Variants in CILK1 observed in about 807,000 individuals in gnomAD.
The protein encoded by CILK1 is serine/threonine-protein kinase ICK.
In CILK1, 47 loss-of-function variants were observed where a neutral mutation model predicts 79.2. That is an observed-to-expected ratio of 0.59 (90% CI 0.47 to 0.76). The LOEUF is 0.76. Ranked by LOEUF, CILK1 falls within the 30% of genes least tolerant of loss-of-function variation. The probability of loss-of-function intolerance (pLI) is 0.00; values close to 1 mark genes in which losing one functional copy is unlikely to be tolerated. For synonymous variants in CILK1, 266 were observed against 275.9 expected (o/e 0.96, Z 0.36); for missense variants, 660 against 769.5 (o/e 0.86, Z 1.68).
rs1015797191 is a variant in CILK1, at chr6:53,002,018, T to G, written c.*3131A>C. On this transcript the variant is annotated 3_prime_UTR_variant, in exon 14 of 14. Coordinates refer to ENST00000676107, the MANE Select transcript of CILK1 (RefSeq NM_014920.5). The stretch of plus-strand genomic sequence containing the variant: ...TGTTGTCTTGATTGTATACAATTTT[T>G]GATAACTCCAGAAGATGACACAGTG... 3 of 152,772 alleles carry G rather than the reference T, an allele frequency of 2.0e-5. No homozygotes were observed. The highest frequency in any genetic ancestry group is 4.4e-5 in the Non-Finnish European group (3 of 68,040). 9.5% of individuals were successfully genotyped at this position (152,772 alleles called of 1,614,324 possible).
intron 11 of CILK1, among the ~76,000 whole-genome samples, chr6:53,010,189 C>T (rs917428729): frequency 2.6e-5 from 4 of 152,256 alleles, no homozygotes; most frequent in African/African-American, 9.6e-5. Flanking sequence ...CTATACCTGT[C>T]ATCTGGATCT....
Position 53,013,993 on chromosome 6 carries a change from A to T in CILK1, c.832-11T>A. On this transcript the variant is annotated splice_polypyrimidine_tract_variant and intron_variant, in intron 8 of 13. Coordinates refer to ENST00000676107, the MANE Select transcript of CILK1 (RefSeq NM_014920.5). ...AGGATATCGAAGTGCCTGGAATGAC[A>T]AATAAGGCTTTAGGAGAAAAGTCTA... 1 of 1,609,104 alleles carries T rather than the reference A, an allele frequency of 6.2e-7. No individual in the cohort carries two copies. Among genetic ancestry groups the T allele is most frequent in the South Asian group, 1.1e-5 (1 of 90,872 alleles).
chr6:53,018,471 A>T lies in CILK1; in HGVS notation c.522T>A (p.Ser174=), dbSNP rs766156937. Reference sequence around the variant, plus strand: ...CGTCAATGGGGGAGCTGTAGTTGGTAGACCTCAGGAGTACTTCTGGAGCCC... The same window carrying T: ...CGTCAATGGGGGAGCTGTAGTTGGTTGACCTCAGGAGTACTTCTGGAGCCC... The part of the protein sequence containing the change: ...WYRAPEVLLR[S]TNYSSPIDVW... The change falls in exon 7 of 14, where the codon TCT becomes TCA. Residue 174 remains serine, a synonymous_variant. Transcript: ENST00000676107. 6 of 1,614,210 alleles carry T rather than the reference A, an allele frequency of 3.7e-6. No individual in the cohort carries two copies. The Admixed American group carries it at 1.0e-4, about 27-fold the overall frequency.
chr6:53,040,125 A>T (rs1018746249), intron 2 of CILK1, among the ~76,000 whole-genome samples: 1 of 152,152 alleles, frequency 6.6e-6, no homozygotes, highest in Non-Finnish European at 1.5e-5. Context: ...TCAAATATAG[A>T]TGCTGACAAG....
In CILK1 at chr6:53,032,543, T is replaced by C. The variant is rs1687595733; in HGVS notation, c.268A>G (p.Ile90Val). The change falls in exon 4 of 14, where the codon ATT (isoleucine) becomes GTT (valine). Residue 90 changes from isoleucine (I) to valine (V), a missense_variant. Ile to Val is a conservative substitution (Grantham distance 29, BLOSUM62 3). Coordinates refer to ENST00000676107, the MANE Select transcript of CILK1 (RefSeq NM_014920.5). The stretch of plus-strand genomic sequence containing the variant: ...ATGACCAAACTGTACCTCTCTTTAA[T>C]GAGCTGGTAAAGATTTTCCTTCATG... ...EYMKENLYQL[I>V]KERNKLFPES... is the part of the protein sequence containing the mutation. 1 of 1,605,398 alleles carries C rather than the reference T, an allele frequency of 6.2e-7. No homozygotes were observed. The highest frequency in any genetic ancestry group is 8.5e-7 in the Non-Finnish European group (1 of 1,173,958).
In CILK1 at chr6:53,011,873, G is replaced by A. The variant is rs749958217; in HGVS notation, c.1388C>T (p.Thr463Ile). Residue 463 changes from threonine to isoleucine, a missense_variant, in exon 11 of 14, where the codon ACA becomes ATA. Transcript: ENST00000676107. The part of the protein sequence containing the change: ...LDLKPSEPVG[T>I]GNSAPTQTSY... Reference sequence around the variant, plus strand: ...CGTCTGGGTGGGGGCACTGTTTCCTGTGCCCACAGGCTCAGAGGGCTTCAG... The same window carrying A: ...CGTCTGGGTGGGGGCACTGTTTCCTATGCCCACAGGCTCAGAGGGCTTCAG... 2 of 1,614,138 alleles carry A rather than the reference G, an allele frequency of 1.2e-6. No homozygotes were observed. Among genetic ancestry groups the A allele is most frequent in the South Asian group, 1.1e-5 (1 of 91,076 alleles).
Position 53,018,437 on chromosome 6 carries a change from C to A in CILK1, c.556G>T (p.Val186Leu). Residue 186 changes from valine to leucine, a missense_variant, in exon 7 of 14, where the codon GTG (valine) becomes TTG (leucine). Transcript: ENST00000676107. ...NYSSPIDVWA[V>L]GCIMAEVYTL... Reference sequence around the variant, plus strand: ...TAAACTTCTGCCATGATGCAGCCCACCGCCCAGACGTCAATGGGGGAGCTG... The same window carrying A: ...TAAACTTCTGCCATGATGCAGCCCAACGCCCAGACGTCAATGGGGGAGCTG... The A allele has an allele frequency of 6.2e-7, 1 of 1,614,158 alleles. No individual in the cohort carries two copies. The highest frequency in any genetic ancestry group is 8.5e-7 in the Non-Finnish European group (1 of 1,179,988).
At chr6:53,038,372 ACATGTGGCTACCGAGCACTTTGG>A in intron 2 of CILK1, among the ~76,000 whole-genome samples, 1 of 152,180 alleles carries the variant, frequency 6.6e-6, no homozygotes. Flanking sequence ...GCCACTAGAC[ACATGTGGCTACCGAGCACTTTGG>A]CATGTGGCTA....
chr6:53,044,138 G>C (rs1437294086), intron 1 of CILK1, among the ~76,000 whole-genome samples: 12 of 152,096 alleles, frequency 7.9e-5, no homozygotes, highest in Non-Finnish European at 1.8e-4. Context: ...TAAAGCAGGG[G>C]TCCCCAAACC....
intron 5 of CILK1, among the ~76,000 whole-genome samples, chr6:53,019,716 G>A (rs918537874): frequency 1.2e-4 from 19 of 152,188 alleles, no homozygotes; most frequent in Non-Finnish European, 2.6e-4. Context: ...GCCTAGGTTG[G>A]AGTGCAGTGG....
intron 6 of CILK1, 112 bp from the exon 7 acceptor site, chr6:53,018,613 T>C (rs1370170023): frequency 1.9e-6 from 2 of 1,066,404 alleles, no homozygotes; most frequent in Non-Finnish European, 2.7e-6. Flanking sequence ...TCTCTCTAGT[T>C]CACTGTGGTG....
intron 7 of CILK1, among the ~76,000 whole-genome samples, 192 bp from the exon 8 acceptor site, chr6:53,016,442 A>G (rs1764900638): frequency 6.6e-6 from 1 of 152,168 alleles, no homozygotes; most frequent in Non-Finnish European, 1.5e-5. Context: ...GACCACCAAG[A>G]CCATGAAATC....
chr6:53,044,234 A>G (rs1156853453), intron 1 of CILK1, among the ~76,000 whole-genome samples: 1 of 152,130 alleles, frequency 6.6e-6, no homozygotes, highest in East Asian at 1.9e-4. Flanking sequence ...TTACTGCCTG[A>G]GCTCCACCTC....
intron 3 of CILK1, 91 bp from the exon 4 acceptor site, chr6:53,032,745 G>GA (rs1766053780): frequency 1.9e-6 from 2 of 1,049,810 alleles, no homozygotes; most frequent in South Asian, 3.0e-5. Context: ...TACTTGGAAA[G>GA]AAACAACTAA....
At position 53,032,014 on chromosome 6, in the gene CILK1, G is replaced by A. The variant is rs531046579; in HGVS notation, c.278+519C>T. ...ATGCCCGGCTAATTTTGTATTTTTA[G>A]TAGAGACAGGGTTTCCCCATGTTGA... On this transcript the variant is annotated intron_variant, in intron 4 of 13. Transcript: ENST00000676107. Among the ~76,000 whole-genome samples the A allele has an allele frequency of 6.6e-5, 10 of 152,278 alleles. No individual in the cohort carries two copies. The East Asian group carries it at 1.5e-3, about 23-fold the overall frequency.
rs773215685 is a variant in CILK1, at chr6:53,011,934, T to C, written c.1344-17A>G. The stretch of plus-strand genomic sequence containing the variant: ...CTCTCAAACCTGAATGAAGAGAGCA[T>C]GGCTTGGGTCAGCACGAGAGACAGT... On this transcript the variant is annotated splice_polypyrimidine_tract_variant and intron_variant, in intron 10 of 13. Transcript: ENST00000676107. 1 of 1,614,170 alleles carries C rather than the reference T, an allele frequency of 6.2e-7. No homozygotes were observed. The highest frequency in any genetic ancestry group is 8.5e-7 in the Non-Finnish European group (1 of 1,180,012).
At chr6:53,058,586 A>G (rs1768126870) in intron 1 of CILK1, among the ~76,000 whole-genome samples, 1 of 152,144 alleles carries the variant, frequency 6.6e-6, no homozygotes, top group African/African-American at 2.4e-5. Flanking sequence ...TGATTCAACC[A>G]CATCAACCAT....
chr6:53,049,230 G>A (rs1581761165), intron 1 of CILK1, among the ~76,000 whole-genome samples: 1 of 152,128 alleles, frequency 6.6e-6, no homozygotes, highest in East Asian at 1.9e-4. Flanking sequence ...TGATACTATG[G>A]GCTACACCCA....
At position 53,041,365 on chromosome 6, in the gene CILK1, G is replaced by A. The variant is rs535742096; in HGVS notation, c.-129C>T. ...ACCAGCACAAGGTATTCAATAGGACGTGACTGTCTCCCAAATACATATTTC... is the reference window on the plus strand; with the variant it reads ...ACCAGCACAAGGTATTCAATAGGACATGACTGTCTCCCAAATACATATTTC... On this transcript the variant is annotated 5_prime_UTR_variant, in exon 2 of 14. The change creates a new upstream start codon in the 5' untranslated region. Coordinates refer to ENST00000676107, the MANE Select transcript of CILK1 (RefSeq NM_014920.5). The A allele has an allele frequency of 1.3e-5, 9 of 711,920 alleles. No homozygotes were observed. The highest frequency in any genetic ancestry group is 3.5e-5 in the African/African-American group (2 of 57,728). 44.1% of individuals were successfully genotyped at this position (711,920 alleles called of 1,614,324 possible). A position where few individuals can be genotyped will look rare whatever the true frequency, so the allele number is the denominator to read the frequency against.
Sources: gnomAD v4.1 joint callset for allele counts (sites outside exome capture counted in the v4.1 genomes callset) on GRCh38, gnomAD v4.1.1 for gene constraint, MANE v1.5 for transcripts, NCBI Gene and HGNC (gene_info 2026-07-23, HGNC 2026-07-21) for gene names.